Variants in RIPOR3 observed in about 807,000 individuals in gnomAD.
RIPOR3 encodes the protein RIPOR family member 3.
Under a neutral mutation model 114.3 loss-of-function variants are expected in RIPOR3, and 95 were observed. The ratio of observed to expected loss-of-function variants is 0.83; its 90% CI spans 0.70 to 0.99. The LOEUF (loss-of-function observed/expected upper bound fraction) is 0.99, where lower values mean the gene tolerates loss of function less well. RIPOR3 is among the 50% of genes least tolerant of loss of function. The probability of loss-of-function intolerance (pLI) is 0.00; values close to 1 mark genes in which losing one functional copy is unlikely to be tolerated. For synonymous variants in RIPOR3, 575 were observed against 543.8 expected, an observed-to-expected ratio of 1.06 and a Z score of -0.80; for missense variants, 1,252 against 1,266.9, an observed-to-expected ratio of 0.99 and a Z score of 0.18.
chr20:50,655,209 G>A (rs527261386), intron 1 of RIPOR3, among the ~76,000 whole-genome samples: 1 of 152,348 alleles, frequency 6.6e-6, no homozygotes, highest in East Asian at 1.9e-4. Flanking sequence ...TAAGAGAATG[G>A]AGCCTTTTGC....
At chr20:50,652,949 C>T (rs1303026506) in intron 1 of RIPOR3, among the ~76,000 whole-genome samples, 1 of 152,216 alleles carries the variant, frequency 6.6e-6, no homozygotes, top group Admixed American at 6.5e-5. Flanking sequence ...AGCAGTTCCA[C>T]TCCTAAGTAT....
intron 19 of RIPOR3, among the ~76,000 whole-genome samples, chr20:50,592,022 G>A (rs1461341629): frequency 1.3e-5 from 2 of 152,204 alleles, no homozygotes; most frequent in African/African-American, 4.8e-5. Context: ...TTGAACCCAG[G>A]AGGTGGAGGT....
chr20:50,630,833 C>A lies in RIPOR3; in HGVS notation c.27G>T (p.Leu9Phe). The A allele has an allele frequency of 6.2e-7, 1 of 1,607,196 alleles. No homozygotes were observed. The highest frequency in any genetic ancestry group is 8.5e-7 in the Non-Finnish European group (1 of 1,177,314). The stretch of plus-strand genomic sequence containing the variant: ...CTGTGTCCCCAGGGGACAGGAACCG[C>A]AACCTCACCGACATGGTGGTCACCT... MVTTMSVR[L>F]RFLSPGDTGA... The change falls in exon 2 of 22, where the codon TTG becomes TTT. Residue 9 changes from leucine (L) to phenylalanine (F), a missense_variant. By Grantham distance (22) the Leu-to-Phe change is conservative. Coordinates refer to ENST00000327979, the MANE Select transcript of RIPOR3 (RefSeq NM_001290268.2).
At chr20:50,605,332 G>A (rs2123020464) in intron 11 of RIPOR3, among the ~76,000 whole-genome samples, 1 of 152,204 alleles carries the variant, frequency 6.6e-6, no homozygotes. Context: ...GGCTCTGAGA[G>A]ATGAGTGACT....
At chr20:50,594,528 G>GAC in intron 17 of RIPOR3, 25 bp downstream of exon 17, 2 of 1,602,306 alleles carry the variant, frequency 1.2e-6, no homozygotes, top group Non-Finnish European at 1.7e-6. Context: ...TGTGGGAGGG[G>GAC]ACGACAGGAC....
intron 1 of RIPOR3, among the ~76,000 whole-genome samples, chr20:50,666,534 A>G (rs1428133294): frequency 6.7e-6 from 1 of 149,910 alleles, no homozygotes; most frequent in Admixed American, 6.7e-5. Flanking sequence ...TAGGACACCC[A>G]TTTCTTTGTT....
chr20:50,606,822 C>A (rs1320082485), intron 11 of RIPOR3, among the ~76,000 whole-genome samples: 5 of 152,034 alleles, frequency 3.3e-5, no homozygotes, highest in Non-Finnish European at 5.9e-5. Context: ...CTCCGCCTCC[C>A]CGGTTCAAGC....
chr20:50,686,901 G>A (rs950296791), intron 1 of RIPOR3, among the ~76,000 whole-genome samples: 4 of 152,308 alleles, frequency 2.6e-5, no homozygotes, highest in Admixed American at 6.5e-5. Flanking sequence ...CTATAAGAGA[G>A]CGGAACTTGA....
At chr20:50,656,700 G>A (rs1013585026) in intron 1 of RIPOR3, among the ~76,000 whole-genome samples, 1 of 151,924 alleles carries the variant, frequency 6.6e-6, no homozygotes, top group Non-Finnish European at 1.5e-5. Flanking sequence ...GGGTTTCATC[G>A]TGTTGGTCAG....
chr20:50,690,136 G>A (rs1247462458), intron 1 of RIPOR3, among the ~76,000 whole-genome samples: 1 of 152,216 alleles, frequency 6.6e-6, no homozygotes, highest in Non-Finnish European at 1.5e-5. Context: ...CCCAGGGGAG[G>A]CATGTGGAAA....
At chr20:50,623,084 TG>T (rs1187296913) in intron 2 of RIPOR3, among the ~76,000 whole-genome samples, 3 of 151,698 alleles carry the variant, frequency 2.0e-5, no homozygotes, top group African/African-American at 7.3e-5. Context: ...ACCAACCTGG[TG>T]AAACCCCGTC....
At chr20:50,595,997 G>A in intron 15 of RIPOR3, 143 bp downstream of exon 15, 2 of 1,211,340 alleles carry the variant, frequency 1.7e-6, no homozygotes. Context: ...CTCTTCCACT[G>A]GGGAATAGCT....
chr20:50,656,749 C>T (rs1208665826), intron 1 of RIPOR3, among the ~76,000 whole-genome samples: 6 of 152,178 alleles, frequency 3.9e-5, no homozygotes, highest in Non-Finnish European at 5.9e-5. Context: ...CCGCCCACCT[C>T]GGCCTCCCAA....
In RIPOR3 at chr20:50,602,251, C is replaced by G. The variant is rs375187412; in HGVS notation, c.1480G>C (p.Ala494Pro). 6.4e-5 allele frequency: 104 copies of G among 1,613,846 alleles called. No individual in the cohort carries two copies. Among genetic ancestry groups the G allele is most frequent in the Non-Finnish European group, 8.5e-5 (100 of 1,179,974 alleles). The change falls in exon 13 of 22, where the codon GCC (alanine) becomes CCC (proline). Residue 494 changes from alanine to proline, a missense_variant. By Grantham distance (27) the Ala-to-Pro change is conservative. Transcript: ENST00000327979. This position sits in a 1 kb window ranked among gnomAD's most constrained non-coding sequence, Gnocchi z 4.3. Reference protein sequence around the residue: ...PQGSLFHSGTASSSQNGHEEG... With the variant: ...PQGSLFHSGTPSSSQNGHEEG... ...TCGTGGCCGTTCTGGCTACTCGAGGCTGTGCCGCTGTGGAACAGGGAGCCC... is the reference window on the plus strand; with the variant it reads ...TCGTGGCCGTTCTGGCTACTCGAGGGTGTGCCGCTGTGGAACAGGGAGCCC...
rs374096922 is a variant in RIPOR3, at chr20:50,592,363, T to C, written c.2558A>G (p.Asn853Ser). ...ASARLAGAVR[N>S]RSFREKALLF... The stretch of plus-strand genomic sequence containing the variant: ...ACGTACCTTTTCCCGGAAGCTTCTG[T>C]TCCTGACTGCACCAGCCAGGCGAGC... Residue 853 changes from asparagine to serine, a missense_variant, in exon 19 of 22, where the codon AAC (asparagine) becomes AGC (serine). Physicochemically the swap from Asn to Ser is conservative, Grantham distance 46. Coordinates refer to ENST00000327979, the MANE Select transcript of RIPOR3 (RefSeq NM_001290268.2). 3.2e-5 allele frequency: 51 copies of C among 1,593,802 alleles called. No homozygotes were observed. The highest frequency in any genetic ancestry group is 4.4e-5 in the Non-Finnish European group (51 of 1,166,990).
chr20:50,618,758 T>A (rs2084283061), intron 3 of RIPOR3, among the ~76,000 whole-genome samples: 1 of 152,230 alleles, frequency 6.6e-6, no homozygotes, highest in Non-Finnish European at 1.5e-5. Context: ...TTCTGTCCCC[T>A]GGCCTGGCAC....
intron 19 of RIPOR3, among the ~76,000 whole-genome samples, chr20:50,591,326 A>G (rs2083100278): frequency 1.3e-5 from 2 of 152,216 alleles, no homozygotes; most frequent in South Asian, 4.1e-4. Flanking sequence ...TAACCTTTTG[A>G]CACATATAGT....
Position 50,597,819 on chromosome 20 carries a change from C to A in RIPOR3, c.1660-109G>T, listed in dbSNP as rs935997427. 3 of 1,452,124 alleles carry A rather than the reference C, an allele frequency of 2.1e-6. No individual in the cohort carries two copies. In the African/African-American group the frequency reaches 4.2e-5, roughly 20 times the overall value. The allele number at this position is 1,452,124 out of a possible 1,614,324, so 90.0% of individuals were successfully genotyped here. A position where few individuals can be genotyped will look rare whatever the true frequency, so the allele number is the denominator to read the frequency against. ...CTTGGGCAATGTCCCGGTCCCAAGCCCCAATCCCACACACCGTCCCCCAGC... is the reference window on the plus strand; with the variant it reads ...CTTGGGCAATGTCCCGGTCCCAAGCACCAATCCCACACACCGTCCCCCAGC... On this transcript the variant is annotated intron_variant, in intron 13 of 21. Transcript: ENST00000327979.
chr20:50,671,408 G>A lies in RIPOR3; in HGVS notation c.3+19718C>T, dbSNP rs116485531. 2.7e-3 allele frequency among the ~76,000 whole-genome samples: 337 copies of A among 125,184 alleles called. 1 individual carries two copies. Among genetic ancestry groups the A allele is most frequent in the African/African-American group, 9.6e-3 (321 of 33,432 alleles). The allele number at this position is 125,184 out of a possible 152,430, so 82.1% of individuals were successfully genotyped here. On this transcript the variant is annotated intron_variant, in intron 1 of 21. Transcript: ENST00000327979. ...CTCTCCCTCTCTCTCACATGAGCAC[G>A]CGCGCGTGCACGCGCGCGCGCACAC...
Sources: gnomAD v4.1 joint callset for allele counts (sites outside exome capture counted in the v4.1 genomes callset) on GRCh38, gnomAD v4.1.1 for gene constraint, Gnocchi (gnomAD v3.1) non-coding constraint, MANE v1.5 for transcripts, NCBI Gene and HGNC (gene_info 2026-07-23, HGNC 2026-07-21) for gene names.